The following ARHGAP39 variants were observed in gnomAD, a reference collection of about 807,000 sequenced individuals.
The protein encoded by ARHGAP39 is Rho GTPase activating protein 39.
Under a neutral mutation model 106.9 loss-of-function variants are expected in ARHGAP39, and 44 were observed. The ratio of observed to expected loss-of-function variants is 0.41; its 90% CI spans 0.32 to 0.53. The LOEUF (loss-of-function observed/expected upper bound fraction) is 0.53. ARHGAP39 is among the 20% of genes least tolerant of loss of function. ARHGAP39 has a pLI of 0.21. For synonymous variants in ARHGAP39, 768 were observed against 693.2 expected, an observed-to-expected ratio of 1.11 and a Z score of -1.69; for missense variants, 1,496 against 1,577.3, an observed-to-expected ratio of 0.95 and a Z score of 0.87.
chr8:144,536,725 A>C (rs1816971884), intron 7 of ARHGAP39, among the ~76,000 whole-genome samples: 1 of 152,154 alleles, frequency 6.6e-6, no homozygotes, highest in Non-Finnish European at 1.5e-5. Context: ...CAGGGTGAGG[A>C]CAAGTCCCTA....
chr8:144,598,976 G>GT (rs1819737233), intron 2 of ARHGAP39, among the ~76,000 whole-genome samples: 1 of 152,218 alleles, frequency 6.6e-6, no homozygotes, highest in Non-Finnish European at 1.5e-5. Context: ...AAAGTGAACA[G>GT]TAATACACGG....
upstream of ARHGAP39, among the ~76,000 whole-genome samples, chr8:144,687,992 G>A (rs1822666707): frequency 6.6e-6 from 1 of 150,684 alleles, no homozygotes; most frequent in Non-Finnish European, 1.5e-5. Flanking sequence ...CATACTAGCG[G>A]TGAGCACTTC....
At chr8:144,541,423 CAG>C (rs1377100737) in intron 6 of ARHGAP39, among the ~76,000 whole-genome samples, 3 of 152,184 alleles carry the variant, frequency 2.0e-5, no homozygotes, top group Non-Finnish European at 4.4e-5. Flanking sequence ...CATTTAAAAA[CAG>C]ACAGTTCTGT....
chr8:144,532,478 G>A (rs549587390), intron 9 of ARHGAP39, 82 bp from the exon 10 acceptor site: 25 of 1,307,604 alleles, frequency 1.9e-5, no homozygotes, highest in Middle Eastern at 1.9e-4. Context: ...CCTCCGGTAG[G>A]CCCCTGCTGA....
intron 3 of ARHGAP39, among the ~76,000 whole-genome samples, chr8:144,562,637 C>T (rs1818238804): frequency 6.6e-6 from 1 of 150,778 alleles, no homozygotes; most frequent in African/African-American, 2.5e-5. Context: ...CCATCGGACC[C>T]CAGTGGTTAC....
chr8:144,618,250 G>GT (rs1820690224), intron 1 of ARHGAP39, among the ~76,000 whole-genome samples: 1 of 152,240 alleles, frequency 6.6e-6, no homozygotes, highest in East Asian at 1.9e-4. Context: ...CCAGACTGGG[G>GT]TCCTGGTGTG....
chr8:144,600,334 C>T, intron 2 of ARHGAP39, among the ~76,000 whole-genome samples: 1 of 147,314 alleles, frequency 6.8e-6, no homozygotes, highest in South Asian at 2.2e-4. Flanking sequence ...ACTTGTGTAC[C>T]TGAGTGTGCA....
At chr8:144,581,905 C>T (rs750096011) in intron 2 of ARHGAP39, among the ~76,000 whole-genome samples, 3 of 152,198 alleles carry the variant, frequency 2.0e-5, no homozygotes, top group Non-Finnish European at 4.4e-5. Flanking sequence ...TGTTTCTACA[C>T]GGAAACAAAA....
At position 144,647,772 on chromosome 8, in the gene ARHGAP39, C is replaced by T. The variant is rs1401383829; in HGVS notation, c.-82+37914G>A. Among the ~76,000 whole-genome samples, 2 of 152,192 alleles carry T rather than the reference C, an allele frequency of 1.3e-5. No homozygotes were observed. Among genetic ancestry groups the T allele is most frequent in the Non-Finnish European group, 2.9e-5 (2 of 68,030 alleles). The stretch of plus-strand genomic sequence containing the variant: ...GGAGGGCAGCTGGAAGCCATGCATG[C>T]GTCCACGGGGACCCCAAGAGAGGGA... On this transcript the variant is annotated intron_variant, in intron 1 of 11. Coordinates refer to ENST00000377307, the MANE Select transcript of ARHGAP39 (RefSeq NM_025251.3). This position sits in a 1 kb window ranked among gnomAD's most constrained non-coding sequence, Gnocchi z 4.8.
Position 144,671,815 on chromosome 8 carries a change from T to C in ARHGAP39, c.-82+13871A>G, listed in dbSNP as rs1822108308. ...TGTCCCCCACCAGAGGCCTGGTCTG[T>C]CTCCTCCCTGTCGGGGGTATCTGAC... is the stretch of plus-strand genomic sequence containing the variant. On this transcript the variant is annotated intron_variant, in intron 1 of 11. Transcript: ENST00000377307. This position sits in a 1 kb window ranked among gnomAD's most constrained non-coding sequence, Gnocchi z 4.5. Among the ~76,000 whole-genome samples the C allele has an allele frequency of 6.6e-6, 1 of 152,210 alleles. No homozygotes were observed. The highest frequency in any genetic ancestry group is 1.5e-5 in the Non-Finnish European group (1 of 68,030).
chr8:144,613,812 A>T (rs1820559407), intron 1 of ARHGAP39, among the ~76,000 whole-genome samples: 1 of 152,220 alleles, frequency 6.6e-6, no homozygotes, highest in Non-Finnish European at 1.5e-5. Context: ...GTTTCCATCA[A>T]ACTGGGAAGC....
chr8:144,681,108 G>C (rs768666051), intron 1 of ARHGAP39, among the ~76,000 whole-genome samples: 3 of 152,084 alleles, frequency 2.0e-5, no homozygotes, highest in Admixed American at 6.5e-5. Context: ...AGTGTGGCCA[G>C]GGTATGGAAG....
intron 2 of ARHGAP39, among the ~76,000 whole-genome samples, chr8:144,601,715 G>A (rs1316796588): frequency 4.2e-5 from 6 of 141,276 alleles, no homozygotes; most frequent in African/African-American, 1.3e-4. Flanking sequence ...GTGTGTGTGA[G>A]CTCATGTACC....
At chr8:144,594,199 G>A (rs561079926) in intron 2 of ARHGAP39, among the ~76,000 whole-genome samples, 3 of 151,886 alleles carry the variant, frequency 2.0e-5, no homozygotes, top group East Asian at 3.9e-4. Flanking sequence ...ATTAAAAGAC[G>A]CTCGTGATCA....
At chr8:144,611,557 T>C (rs994990225) in intron 1 of ARHGAP39, among the ~76,000 whole-genome samples, 1 of 152,252 alleles carries the variant, frequency 6.6e-6, no homozygotes, top group Non-Finnish European at 1.5e-5. Flanking sequence ...CAGTGTCTTC[T>C]TGATGAATGA....
At chr8:144,579,804 T>C (rs996721399) in intron 3 of ARHGAP39, among the ~76,000 whole-genome samples, 12 of 152,064 alleles carry the variant, frequency 7.9e-5, no homozygotes, top group African/African-American at 2.9e-4. Context: ...CCTGGCAACC[T>C]CAGCCAAGCA....
At chr8:144,558,679 T>C (rs1818033725) in intron 3 of ARHGAP39, among the ~76,000 whole-genome samples, 1 of 152,148 alleles carries the variant, frequency 6.6e-6, no homozygotes, top group Admixed American at 6.6e-5. Context: ...AACTTAAGAA[T>C]GTTCAGTATG....
chr8:144,545,937 C>G, intron 5 of ARHGAP39, 127 bp from the exon 6 acceptor site: 1 of 770,048 alleles, frequency 1.3e-6, no homozygotes, highest in Non-Finnish European at 2.0e-6. Flanking sequence ...AGAGCCCTGC[C>G]CTGCTCACCA....
chr8:144,553,151 G>A (rs1450158286), intron 4 of ARHGAP39, among the ~76,000 whole-genome samples: 1 of 152,188 alleles, frequency 6.6e-6, no homozygotes, highest in Non-Finnish European at 1.5e-5. Flanking sequence ...GGTTAGCTGA[G>A]GATGGGATCT....
Sources: allele counts gnomAD v4.1 joint callset (sites outside exome capture counted in the v4.1 genomes callset), GRCh38; gene constraint gnomAD v4.1.1; non-coding constraint Gnocchi (gnomAD v3.1); transcripts MANE v1.5; gene names NCBI Gene and HGNC (gene_info 2026-07-23, HGNC 2026-07-21).